The following NOS1AP variants were observed in gnomAD, a reference collection of about 807,000 sequenced individuals.
The protein encoded by NOS1AP is nitric oxide synthase 1 adaptor protein, also known as carboxyl-terminal PDZ ligand of neuronal nitric oxide synthase protein.
NOS1AP carries 21 observed loss-of-function variants against 56.2 expected under a neutral mutation model. That is an observed-to-expected ratio of 0.37 (90% CI 0.26 to 0.54). NOS1AP has a LOEUF of 0.54. NOS1AP is among the 20% of genes least tolerant of loss of function. The probability of loss-of-function intolerance (pLI) is 0.84; values close to 1 mark genes in which losing one functional copy is unlikely to be tolerated. For synonymous variants in NOS1AP, 270 were observed against 274.6 expected, an observed-to-expected ratio of 0.98 and a Z score of 0.17; for missense variants, 522 against 657.8, an observed-to-expected ratio of 0.79 and a Z score of 2.26.
At chr1:162,219,444 T>TA (rs374536866) in intron 2 of NOS1AP, among the ~76,000 whole-genome samples, 3 of 152,212 alleles carry the variant, frequency 2.0e-5, no homozygotes, top group African/African-American at 7.2e-5. Flanking sequence ...CTATCATGTA[T>TA]TACCTGTTCC....
Position 162,355,245 on chromosome 1 carries a change from CG to C in NOS1AP, c.655del (p.Asp219MetfsTer19). 6.2e-7 allele frequency: 1 copy of C among 1,614,060 alleles called. No homozygotes were observed. The highest frequency in any genetic ancestry group is 8.5e-7 in the Non-Finnish European group (1 of 1,180,004). Reference sequence around the variant, plus strand: ...CGGCCACTGCAGAGGAGACTGACATCGATGCGGTGGAGGTCCCACTTCCAGG... The same window carrying C: ...CGGCCACTGCAGAGGAGACTGACATCATGCGGTGGAGGTCCCACTTCCAGG... ...STATAEETDI[D>X]AVEVPLPGND... On this transcript the variant is annotated frameshift_variant, in exon 7 of 10. Coordinates refer to ENST00000361897, the MANE Select transcript of NOS1AP (RefSeq NM_014697.3). LOFTEE classifies it high-confidence loss of function.
intron 1 of NOS1AP, among the ~76,000 whole-genome samples, chr1:162,117,265 A>G (rs956806212): frequency 2.6e-5 from 4 of 152,186 alleles, no homozygotes; most frequent in African/African-American, 9.7e-5. Context: ...TGTCTTTATC[A>G]GATTAATGTC....
At chr1:162,104,304 A>C (rs1479266562) in intron 1 of NOS1AP, among the ~76,000 whole-genome samples, 1 of 152,138 alleles carries the variant, frequency 6.6e-6, no homozygotes, top group Non-Finnish European at 1.5e-5. Context: ...TTCCCTTTGT[A>C]GGTGACCTGG....
chr1:162,073,623 G>A (rs1691707698), intron 1 of NOS1AP, among the ~76,000 whole-genome samples: 1 of 152,148 alleles, frequency 6.6e-6, no homozygotes, highest in Non-Finnish European at 1.5e-5. Flanking sequence ...ACCATGCCCA[G>A]CTAATTTTGT....
chr1:162,315,637 TC>T (rs1656203858), intron 4 of NOS1AP, among the ~76,000 whole-genome samples: 2 of 152,352 alleles, frequency 1.3e-5, no homozygotes, highest in African/African-American at 4.8e-5. Context: ...ACATCCTTTA[TC>T]AGGAGACCCT....
intron 2 of NOS1AP, among the ~76,000 whole-genome samples, chr1:162,266,539 G>T (rs1450355010): frequency 1.3e-5 from 2 of 152,062 alleles, no homozygotes; most frequent in East Asian, 3.9e-4. Context: ...GATATTAGCT[G>T]GTCTCTACCA....
chr1:162,260,851 AT>A (rs957909122), intron 2 of NOS1AP, among the ~76,000 whole-genome samples: 2 of 152,048 alleles, frequency 1.3e-5, no homozygotes, highest in African/African-American at 4.8e-5. Flanking sequence ...GTTCATCTCA[AT>A]TTTTTTGCTA....
At chr1:162,154,683 G>GA (rs1649859520) in intron 2 of NOS1AP, among the ~76,000 whole-genome samples, 1 of 152,226 alleles carries the variant, frequency 6.6e-6, no homozygotes, top group South Asian at 2.1e-4. Flanking sequence ...GATGGCTGGA[G>GA]TGGTACCATC....
chr1:162,228,758 G>T (rs1294754436), intron 2 of NOS1AP, among the ~76,000 whole-genome samples: 2 of 152,154 alleles, frequency 1.3e-5, no homozygotes, highest in South Asian at 2.1e-4. Flanking sequence ...ACATCGTTCA[G>T]ACCCTCAAAT....
At chr1:162,131,319 A>G (rs1404702092) in intron 1 of NOS1AP, among the ~76,000 whole-genome samples, 1 of 151,618 alleles carries the variant, frequency 6.6e-6, no homozygotes, top group Non-Finnish European at 1.5e-5. Flanking sequence ...GGACTTAACT[A>G]TTCTTGGCCC....
chr1:162,350,749 A>G (rs903768595), intron 6 of NOS1AP, among the ~76,000 whole-genome samples: 1 of 152,252 alleles, frequency 6.6e-6, no homozygotes, highest in East Asian at 1.9e-4. Context: ...GTCGTACATT[A>G]GAGTTCTGGC....
At chr1:162,232,752 T>C (rs1374574509) in intron 2 of NOS1AP, among the ~76,000 whole-genome samples, 2 of 152,104 alleles carry the variant, frequency 1.3e-5, no homozygotes, top group Admixed American at 1.3e-4. Context: ...CAAATAGTTA[T>C]TTGCTTTATT....
At chr1:162,341,152 A>G (rs1413040606) in intron 5 of NOS1AP, among the ~76,000 whole-genome samples, 2 of 152,202 alleles carry the variant, frequency 1.3e-5, no homozygotes, top group African/African-American at 2.4e-5. Flanking sequence ...AATCCCATAG[A>G]TCAGGGACAT....
At chr1:162,283,548 A>T (rs1174596254) in intron 2 of NOS1AP, among the ~76,000 whole-genome samples, 6 of 152,198 alleles carry the variant, frequency 3.9e-5, no homozygotes, top group Non-Finnish European at 5.9e-5. Flanking sequence ...CCAACTTCTC[A>T]TCGATGTTCT....
chr1:162,363,022 C>A, intron 8 of NOS1AP: 1 of 474,198 alleles, frequency 2.1e-6, no homozygotes, highest in Non-Finnish European at 2.8e-6. Context: ...ACACACCAAG[C>A]AAGCAAGCAG....
At chr1:162,309,469 G>A (rs1002892237) in intron 4 of NOS1AP, among the ~76,000 whole-genome samples, 1 of 152,210 alleles carries the variant, frequency 6.6e-6, no homozygotes, top group Non-Finnish European at 1.5e-5. Flanking sequence ...GCTAAGTTAA[G>A]TGCTTATCAA....
chr1:162,276,874 C>T (rs181766597), intron 2 of NOS1AP, among the ~76,000 whole-genome samples: 67 of 152,232 alleles, frequency 4.4e-4, no homozygotes, highest in African/African-American at 1.4e-3. Flanking sequence ...TGAGAAACAC[C>T]TCATGTCTCA....
intron 2 of NOS1AP, among the ~76,000 whole-genome samples, chr1:162,243,399 G>A (rs930158841): frequency 6.6e-5 from 10 of 152,082 alleles, no homozygotes; most frequent in Admixed American, 5.2e-4. Context: ...CTGTGTCCTC[G>A]CTTTCCCTCT....
chr1:162,291,035 A>G (rs1331883394), intron 3 of NOS1AP, among the ~76,000 whole-genome samples: 3 of 151,956 alleles, frequency 2.0e-5, no homozygotes, highest in Non-Finnish European at 4.4e-5. Flanking sequence ...CAAAAAAAAA[A>G]AAAACCCACA....
Sources: allele counts gnomAD v4.1 joint callset (sites outside exome capture counted in the v4.1 genomes callset), GRCh38; gene constraint gnomAD v4.1.1; transcripts MANE v1.5; gene names NCBI Gene and HGNC (gene_info 2026-07-23, HGNC 2026-07-21).